Variants in FAAH2 observed in about 807,000 individuals in gnomAD.
FAAH2 encodes fatty acid amide hydrolase 2.
FAAH2 carries 60 observed loss-of-function variants against 36.9 expected under a neutral mutation model. The observed-to-expected ratio is 1.63, with a 90% CI of 1.32 to 2.02. The LOEUF is 2.02. Among genes scored for constraint, FAAH2 ranks in the 30% most tolerant of loss-of-function variants. The pLI is 0.00. For missense variants in FAAH2, 689 were observed against 397.5 expected (o/e 1.73, Z -6.23); for synonymous variants, 214 against 143.8 (o/e 1.49, Z -3.49).
At chrX:57,399,930 C>A (rs1005207323) in intron 7 of FAAH2, among the ~76,000 whole-genome samples, 2 of 112,047 alleles carry the variant, frequency 1.8e-5, no homozygotes, top group Non-Finnish European at 3.8e-5. Flanking sequence ...CTGACCACTG[C>A]ATAATACGCT....
the FAAH2 span, among the ~76,000 whole-genome samples, chrX:57,221,825 G>A: frequency 6.4e-5 from 7 of 108,896 alleles, no homozygotes; most frequent in African/African-American, 2.4e-4. Flanking sequence ...AGCTCACCTG[G>A]TGCATACTAC....
chrX:57,324,452 T>C (rs774849449), intron 3 of FAAH2, among the ~76,000 whole-genome samples: 27 of 112,156 alleles, frequency 2.4e-4, no homozygotes, highest in African/African-American at 8.4e-4. Context: ...TTTCATGATA[T>C]TGATTCTTCC....
chrX:57,468,213 G>A (rs754181948), intron 10 of FAAH2, among the ~76,000 whole-genome samples: 7 of 111,975 alleles, frequency 6.3e-5, no homozygotes, highest in African/African-American at 2.3e-4. Context: ...AAGGAACGCA[G>A]CTCCTCAACA....
the FAAH2 span, among the ~76,000 whole-genome samples, chrX:57,183,550 G>T: frequency 9.0e-6 from 1 of 111,437 alleles, no homozygotes; most frequent in African/African-American, 3.3e-5. Context: ...AAATTGTGAA[G>T]ATTTCATTTT....
At chrX:57,441,306 A>T (rs1428375309) in intron 8 of FAAH2, among the ~76,000 whole-genome samples, 1 of 111,331 alleles carries the variant, frequency 9.0e-6, no homozygotes, top group Non-Finnish European at 1.9e-5. Flanking sequence ...TCAGTGATTC[A>T]AATTCTTCCT....
chrX:57,376,806 C>G (rs2054692740), intron 5 of FAAH2, among the ~76,000 whole-genome samples: 1 of 112,181 alleles, frequency 8.9e-6, no homozygotes, highest in Non-Finnish European at 1.9e-5. Context: ...TCCACATTCT[C>G]TCCAGCATCT....
chrX:57,177,960 C>T, the FAAH2 span, among the ~76,000 whole-genome samples: 5 of 110,914 alleles, frequency 4.5e-5, no homozygotes, highest in African/African-American at 1.6e-4. Flanking sequence ...ATTTCCCCTT[C>T]CCCTAAGAGT....
At chrX:57,358,787 G>A (rs1212831516) in intron 5 of FAAH2, among the ~76,000 whole-genome samples, 1 of 111,174 alleles carries the variant, frequency 9.0e-6, no homozygotes, top group African/African-American at 3.3e-5. Context: ...CATTTTTGGG[G>A]GATCTTCATA....
chrX:57,294,180 T>C (rs549092596), intron 2 of FAAH2, among the ~76,000 whole-genome samples: 17 of 112,297 alleles, frequency 1.5e-4, no homozygotes, highest in African/African-American at 5.2e-4. Context: ...TGGTTGTTAT[T>C]ACAACATGAG....
At chrX:57,140,417 CA>C in the FAAH2 span, among the ~76,000 whole-genome samples, 1,166 of 64,756 alleles carry the variant, frequency 0.018, 7 homozygotes, top group East Asian at 0.053. Context: ...CCATCTCTAC[CA>C]AAAAAAAAAA....
the FAAH2 span, among the ~76,000 whole-genome samples, chrX:57,200,657 A>G: frequency 7.8e-3 from 870 of 111,701 alleles, 4 homozygotes; most frequent in African/African-American, 0.027. Flanking sequence ...GATTAAAGGC[A>G]TGAGCCACTG....
chrX:57,339,703 C>T (rs747293585), intron 4 of FAAH2, among the ~76,000 whole-genome samples: 7 of 112,161 alleles, frequency 6.2e-5, no homozygotes, highest in African/African-American at 2.3e-4. Flanking sequence ...AATGAGATAC[C>T]ATCTCACACC....
At chrX:57,426,863 A>G (rs1031702851) in intron 7 of FAAH2, among the ~76,000 whole-genome samples, 5 of 111,334 alleles carry the variant, frequency 4.5e-5, no homozygotes, top group Non-Finnish European at 9.4e-5. Flanking sequence ...AACAAACCAA[A>G]CCCAAATCTA....
intron 2 of FAAH2, among the ~76,000 whole-genome samples, chrX:57,306,262 C>A (rs1261752205): frequency 9.0e-6 from 1 of 111,471 alleles, no homozygotes; most frequent in South Asian, 3.8e-4. Flanking sequence ...GAATGTGTAA[C>A]ACTTAGAGTG....
the FAAH2 span, among the ~76,000 whole-genome samples, chrX:57,176,278 T>A: frequency 9.0e-6 from 1 of 111,357 alleles, no homozygotes; most frequent in Non-Finnish European, 1.9e-5. Context: ...TAATTGTTTT[T>A]TTTTTTTAAT....
chrX:57,481,404 A>G (rs2057376279), intron 10 of FAAH2, among the ~76,000 whole-genome samples: 1 of 111,392 alleles, frequency 9.0e-6, no homozygotes, highest in African/African-American at 3.3e-5. Context: ...TTTAAAGCTG[A>G]TAACCTTGGA....
intron 4 of FAAH2, 132 bp from the exon 5 acceptor site, chrX:57,341,133 CTAAATA>C (rs1175875077): frequency 1.9e-6 from 1 of 518,591 alleles, no homozygotes; most frequent in Non-Finnish European, 2.8e-6. Context: ...AAATTATGAT[CTAAATA>C]TATGCTGTGA....
intron 7 of FAAH2, chrX:57,393,701 C>T (rs1338561221): frequency 3.9e-6 from 4 of 1,016,209 alleles, no homozygotes; most frequent in Non-Finnish European, 4.2e-6. Context: ...TCTCTCTCTC[C>T]TGTCTTCTAG....
intron 7 of FAAH2, chrX:57,381,417 G>A (rs762473470): frequency 4.6e-6 from 1 of 219,438 alleles, no homozygotes; most frequent in East Asian, 2.4e-4. Flanking sequence ...TTTATAATCA[G>A]ATGAAATAAT....
Sources: gnomAD v4.1 joint callset for allele counts (sites outside exome capture counted in the v4.1 genomes callset) on GRCh38, gnomAD v4.1.1 for gene constraint, MANE v1.5 for transcripts, NCBI Gene and HGNC (gene_info 2026-07-23, HGNC 2026-07-21) for gene names.